PDE4D: variants seen among roughly 807,000 people sequenced by gnomAD.
The protein encoded by PDE4D is 3',5'-cyclic-AMP phosphodiesterase 4D.
PDE4D carries 24 observed loss-of-function variants against 87.4 expected under a neutral mutation model. That is an observed-to-expected ratio of 0.27 (90% CI 0.20 to 0.39). The LOEUF is 0.39. Among genes scored for constraint, PDE4D ranks in the 10% least tolerant of loss-of-function variants. The pLI is 1.00. For missense variants in PDE4D, 714 were observed against 1,041.0 expected (o/e 0.69, Z 4.32); for synonymous variants, 384 against 383.2 (o/e 1.00, Z -0.02).
At chr5:59,686,800 C>T (rs537963843) in intron 1 of PDE4D, among the ~76,000 whole-genome samples, 33 of 152,222 alleles carry the variant, frequency 2.2e-4, no homozygotes, top group African/African-American at 7.9e-4. Flanking sequence ...GAACTAAATG[C>T]TCTTAAGTGA....
intron 1 of PDE4D, among the ~76,000 whole-genome samples, chr5:60,249,397 A>C (rs139764827): frequency 6.4e-4 from 97 of 152,200 alleles, no homozygotes; most frequent in African/African-American, 2.2e-3. Context: ...AGTGAAATGG[A>C]TCATTCAAGA....
intron 2 of PDE4D, among the ~76,000 whole-genome samples, chr5:60,062,300 A>G (rs969344428): frequency 5.3e-5 from 8 of 152,330 alleles, no homozygotes; most frequent in Admixed American, 2.0e-4. Context: ...GGCAACAAAC[A>G]TATGAAAAAA....
chr5:59,395,171 T>C (rs62355533), intron 1 of PDE4D, among the ~76,000 whole-genome samples: 62,645 of 150,340 alleles, frequency 0.42, 13,430 homozygotes, highest in East Asian at 0.48. Context: ...CCCACCATTG[T>C]CCAGGCTTGC....
intron 1 of PDE4D, among the ~76,000 whole-genome samples, chr5:60,426,645 C>T (rs771253810): frequency 4.6e-5 from 7 of 152,006 alleles, no homozygotes; most frequent in Non-Finnish European, 7.4e-5. Flanking sequence ...CAAACCTGCA[C>T]GCTGTGCGCA....
At chr5:60,328,462 A>G (rs1217442281) in intron 1 of PDE4D, among the ~76,000 whole-genome samples, 3 of 152,188 alleles carry the variant, frequency 2.0e-5, no homozygotes, top group Non-Finnish European at 4.4e-5. Context: ...TATTATATTC[A>G]TCTATATTGT....
At chr5:60,073,664 T>C (rs781086127) in intron 2 of PDE4D, among the ~76,000 whole-genome samples, 11 of 152,010 alleles carry the variant, frequency 7.2e-5, no homozygotes, top group Non-Finnish European at 1.3e-4. Flanking sequence ...TTTTGTTTGG[T>C]AGGCTATTTA....
chr5:59,097,751 T>C (rs545057469), intron 5 of PDE4D, among the ~76,000 whole-genome samples: 2 of 152,322 alleles, frequency 1.3e-5, no homozygotes, highest in Non-Finnish European at 2.9e-5. Flanking sequence ...AATACACTGA[T>C]AAATGTTTAC....
At chr5:60,117,857 T>C (rs1240354994) in intron 2 of PDE4D, among the ~76,000 whole-genome samples, 1 of 151,344 alleles carries the variant, frequency 6.6e-6, no homozygotes, top group Non-Finnish European at 1.5e-5. Flanking sequence ...AGAGAGACTG[T>C]TGAACCTTTG....
At chr5:60,403,546 G>A (rs1299020787) in intron 1 of PDE4D, among the ~76,000 whole-genome samples, 1 of 152,208 alleles carries the variant, frequency 6.6e-6, no homozygotes, top group Non-Finnish European at 1.5e-5. Context: ...TGTTCTGTGT[G>A]CCAGGTCTTG....
chr5:60,103,205 C>T (rs542869086), intron 2 of PDE4D, among the ~76,000 whole-genome samples: 10 of 152,130 alleles, frequency 6.6e-5, no homozygotes, highest in East Asian at 3.9e-4. Flanking sequence ...AGAACAGACA[C>T]GACAGCCTAA....
intron 5 of PDE4D, among the ~76,000 whole-genome samples, chr5:59,112,675 G>GAATT (rs942005190): frequency 2.6e-4 from 40 of 152,192 alleles, no homozygotes; most frequent in African/African-American, 9.4e-4. Context: ...CTGAGATGAA[G>GAATT]AATTTATGGT....
At chr5:59,346,280 A>G (rs1295924617) in intron 1 of PDE4D, among the ~76,000 whole-genome samples, 2 of 152,152 alleles carry the variant, frequency 1.3e-5, no homozygotes, top group Non-Finnish European at 2.9e-5. Flanking sequence ...ATGAGTAAAT[A>G]TGGCTAAGCA....
chr5:60,260,018 T>C (rs1336732074), intron 1 of PDE4D, among the ~76,000 whole-genome samples: 1 of 151,996 alleles, frequency 6.6e-6, no homozygotes, highest in Non-Finnish European at 1.5e-5. Flanking sequence ...GATCTGAAGA[T>C]TTACAATTCT....
intron 1 of PDE4D, among the ~76,000 whole-genome samples, chr5:60,419,963 C>T (rs986459586): frequency 2.6e-5 from 4 of 152,164 alleles, no homozygotes; most frequent in African/African-American, 4.8e-5. Context: ...AAGACTTTAA[C>T]ACAGAGAAGT....
chr5:60,261,225 G>T (rs1749617151), intron 1 of PDE4D, among the ~76,000 whole-genome samples: 1 of 152,114 alleles, frequency 6.6e-6, no homozygotes, highest in Non-Finnish European at 1.5e-5. Context: ...GATCAAATTA[G>T]AAACAACCTT....
chr5:59,342,826 T>C (rs766511281), intron 1 of PDE4D, among the ~76,000 whole-genome samples: 2 of 152,154 alleles, frequency 1.3e-5, no homozygotes, highest in African/African-American at 2.4e-5. Context: ...CTGACAAACA[T>C]TGCATACATT....
At chr5:59,723,751 G>A (rs1292060009) in intron 1 of PDE4D, among the ~76,000 whole-genome samples, 3 of 152,108 alleles carry the variant, frequency 2.0e-5, no homozygotes, top group Non-Finnish European at 4.4e-5. Context: ...TGAGACCCAC[G>A]TAAGGAGTTG....
chr5:59,459,226 C>T (rs1800376242), intron 1 of PDE4D, among the ~76,000 whole-genome samples: 1 of 152,132 alleles, frequency 6.6e-6, no homozygotes, highest in African/African-American at 2.4e-5. Context: ...TCTCCTTACC[C>T]TGTCTTATGT....
chr5:60,336,292 T>C (rs1464225659), intron 1 of PDE4D, among the ~76,000 whole-genome samples: 2 of 152,208 alleles, frequency 1.3e-5, no homozygotes, highest in Non-Finnish European at 2.9e-5. Context: ...CAATAATATA[T>C]AGATAAACTA....
Sources: gnomAD v4.1 joint callset for allele counts (sites outside exome capture counted in the v4.1 genomes callset) on GRCh38, gnomAD v4.1.1 for gene constraint, MANE v1.5 for transcripts, NCBI Gene and HGNC (gene_info 2026-07-23, HGNC 2026-07-21) for gene names.